Variants in TLE4 observed in about 807,000 individuals in gnomAD.
TLE4 encodes transducin-like enhancer protein 4.
In TLE4, 8 loss-of-function variants were observed where a neutral mutation model predicts 92.8. The observed-to-expected ratio is 0.09, with a 90% CI of 0.05 to 0.16. TLE4 has a LOEUF of 0.16. Ranked by LOEUF, TLE4 falls within the 10% of genes least tolerant of loss-of-function variation. The pLI is 1.00. For missense variants in TLE4, 675 were observed against 997.6 expected (o/e 0.68, Z 4.36); for synonymous variants, 371 against 374.1 (o/e 0.99, Z 0.10).
chr9:79,681,792 GAGAGAGGGAGAC>G, intron 8 of TLE4, among the ~76,000 whole-genome samples: 1 of 150,686 alleles, frequency 6.6e-6, no homozygotes, highest in Middle Eastern at 3.4e-3. Flanking sequence ...GGAAGAGAGG[GAGAGAGGGAGAC>G]AGAGAGAGAG....
chr9:79,638,036 G>A (rs1008004304), intron 6 of TLE4, among the ~76,000 whole-genome samples: 19 of 152,106 alleles, frequency 1.2e-4, no homozygotes, highest in South Asian at 4.1e-4. Context: ...CCGTAGCAGC[G>A]TGGGGACACA....
At chr9:79,693,555 C>CAACA (rs1389600641) in intron 8 of TLE4, 4 of 424,620 alleles carry the variant, frequency 9.4e-6, no homozygotes, top group Non-Finnish European at 1.8e-5. Context: ...AGATAGCAGA[C>CAACA]TGTTGGCTGT....
intron 8 of TLE4, among the ~76,000 whole-genome samples, chr9:79,698,231 T>C (rs2068788039): frequency 6.6e-6 from 1 of 152,198 alleles, no homozygotes; most frequent in Non-Finnish European, 1.5e-5. Context: ...GCTGTCTGAC[T>C]TTTATACCTG....
intron 5 of TLE4, among the ~76,000 whole-genome samples, chr9:79,613,700 G>A (rs938179473): frequency 3.3e-5 from 5 of 152,156 alleles, no homozygotes; most frequent in Non-Finnish European, 5.9e-5. Context: ...TTTCAGGAGA[G>A]AGGTTCATTC....
intron 8 of TLE4, among the ~76,000 whole-genome samples, chr9:79,684,282 G>A (rs1475017284): frequency 1.3e-5 from 2 of 152,106 alleles, no homozygotes; most frequent in African/African-American, 4.8e-5. Flanking sequence ...TCAGCTGGGT[G>A]GTCTAGAACA....
At chr9:79,618,738 C>T (rs2050239368) in intron 5 of TLE4, among the ~76,000 whole-genome samples, 1 of 152,116 alleles carries the variant, frequency 6.6e-6, no homozygotes, top group Non-Finnish European at 1.5e-5. Flanking sequence ...GCAGGCTAGT[C>T]CTCACAGCAA....
At chr9:79,632,548 T>C (rs1294697218) in intron 6 of TLE4, among the ~76,000 whole-genome samples, 1 of 152,174 alleles carries the variant, frequency 6.6e-6, no homozygotes, top group Non-Finnish European at 1.5e-5. Context: ...TAGGTAATTG[T>C]AGTCATGTAC....
At chr9:79,710,291 A>G (rs1304289891) in intron 14 of TLE4, among the ~76,000 whole-genome samples, 1 of 152,212 alleles carries the variant, frequency 6.6e-6, no homozygotes, top group African/African-American at 2.4e-5. Context: ...TTACTACCTA[A>G]TCACAGTTGT....
At chr9:79,573,601 C>T (rs2036632350) in intron 1 of TLE4, 88 bp from the exon 2 acceptor site, 2 of 1,124,022 alleles carry the variant, frequency 1.8e-6, no homozygotes, top group Non-Finnish European at 1.3e-6. Flanking sequence ...GACCCTCACC[C>T]CCCGCTAACG....
chr9:79,660,776 A>G lies in TLE4; in HGVS notation c.609+6701A>G, dbSNP rs567513920. ...AATTGTTTGTTTGTCAAACAGATGA[A>G]TAAATATCTTTAGGGCATAGCTGGT... On this transcript the variant is annotated intron_variant, in intron 8 of 19. Transcript: ENST00000376552. Among the ~76,000 whole-genome samples the G allele has an allele frequency of 1.2e-3, 183 of 152,366 alleles. 1 individual carries two copies. Among genetic ancestry groups the G allele is most frequent in the Non-Finnish European group, 2.4e-4 (16 of 68,038 alleles).
chr9:79,625,090 G>T (rs2052215381), intron 5 of TLE4, among the ~76,000 whole-genome samples: 1 of 140,264 alleles, frequency 7.1e-6, no homozygotes. Context: ...CGGGATCTCG[G>T]CTCACTGCAA....
At chr9:79,642,838 C>T (rs2057428170) in intron 6 of TLE4, among the ~76,000 whole-genome samples, 1 of 152,108 alleles carries the variant, frequency 6.6e-6, no homozygotes, top group Non-Finnish European at 1.5e-5. Flanking sequence ...CCCTTAAGAC[C>T]AGTCCAGAGA....
At chr9:79,624,134 G>GT (rs1214325457) in intron 5 of TLE4, among the ~76,000 whole-genome samples, 2 of 142,008 alleles carry the variant, frequency 1.4e-5, no homozygotes, top group African/African-American at 2.6e-5. Context: ...AAAACTTGCT[G>GT]TTTTTTTCTG....
At chr9:79,590,164 C>A (rs2132278434) in intron 4 of TLE4, among the ~76,000 whole-genome samples, 1 of 151,688 alleles carries the variant, frequency 6.6e-6, no homozygotes. Context: ...GCTTGGTTAA[C>A]CCCCCCAAAA....
At chr9:79,709,164 A>G (rs1245892217) in intron 13 of TLE4, among the ~76,000 whole-genome samples, 1 of 152,128 alleles carries the variant, frequency 6.6e-6, no homozygotes, top group African/African-American at 2.4e-5. Flanking sequence ...TATATAATCT[A>G]AGGTATTTAG....
intron 1 of TLE4, chr9:79,573,168 G>C: frequency 1.1e-6 from 1 of 887,968 alleles, no homozygotes; most frequent in Non-Finnish European, 1.4e-6. Flanking sequence ...GCGCCCGGGC[G>C]GGGAGGGCGC....
chr9:79,598,028 C>A (rs577861402), intron 4 of TLE4, among the ~76,000 whole-genome samples: 1 of 139,832 alleles, frequency 7.2e-6, no homozygotes, highest in Non-Finnish European at 1.5e-5. Context: ...GTCAGGAGAT[C>A]GAGACTATCC....
rs562910936 is a variant in TLE4, at chr9:79,583,629, CATTATT to C, written c.252+7468_252+7473del. On this transcript the variant is annotated intron_variant, in intron 4 of 19. Coordinates refer to ENST00000376552, the MANE Select transcript of TLE4 (RefSeq NM_007005.6). ...CATTTCTTAGCAGGCTTATTTAACT[CATTATT>C]ATTATTATTATTATTGTAATTTGGG... Among the ~76,000 whole-genome samples, 561 of 151,690 alleles carry C rather than the reference CATTATT, an allele frequency of 3.7e-3. 4 individuals are homozygous for C. Among genetic ancestry groups the C allele is most frequent in the African/African-American group, 0.011 (464 of 41,370 alleles).
At chr9:79,680,333 A>G (rs1170315814) in intron 8 of TLE4, among the ~76,000 whole-genome samples, 3 of 151,994 alleles carry the variant, frequency 2.0e-5, no homozygotes, top group Non-Finnish European at 4.4e-5. Context: ...GGTCCTTCAC[A>G]TCCCTTGTAA....
Sources: gnomAD v4.1 joint callset for allele counts (sites outside exome capture counted in the v4.1 genomes callset) on GRCh38, gnomAD v4.1.1 for gene constraint, MANE v1.5 for transcripts, NCBI Gene and HGNC (gene_info 2026-07-23, HGNC 2026-07-21) for gene names.